Variants in PPEF2 observed in about 807,000 individuals in gnomAD.
PPEF2 encodes serine/threonine-protein phosphatase with EF-hands 2.
PPEF2 carries 84 observed loss-of-function variants against 84.7 expected under a neutral mutation model. The ratio of observed to expected loss-of-function variants is 0.99; its 90% CI spans 0.83 to 1.19. PPEF2 has a LOEUF of 1.19. PPEF2 is among the 50% of genes most tolerant of loss of function. The probability of loss-of-function intolerance (pLI) is 0.00; values close to 1 mark genes in which losing one functional copy is unlikely to be tolerated. For synonymous variants in PPEF2, 346 were observed against 345.2 expected (o/e 1.00, Z -0.03); for missense variants, 924 against 937.5 (o/e 0.99, Z 0.19).
intron 10 of PPEF2, 54 bp from the exon 11 acceptor site, chr4:75,876,727 C>A (rs751043800): frequency 3.1e-5 from 47 of 1,495,356 alleles, no homozygotes; most frequent in Non-Finnish European, 4.1e-5. Context: ...TAGGCCCAGA[C>A]AGGTGTGGTG....
At chr4:75,881,655 T>C (rs1331910520) in intron 10 of PPEF2, 1 of 152,200 alleles carries the variant, frequency 6.6e-6, no homozygotes, top group Non-Finnish European at 1.5e-5. Context: ...AATTTCTAGT[T>C]ACCAAACCAC....
At chr4:75,875,059 G>A (rs1201960396) in intron 11 of PPEF2, among the ~76,000 whole-genome samples, 3 of 151,928 alleles carry the variant, frequency 2.0e-5, no homozygotes, top group Non-Finnish European at 4.4e-5. Flanking sequence ...CCACCACCAT[G>A]CCTGGCTAAT....
At chr4:75,878,842 G>A (rs556309611) in intron 10 of PPEF2, among the ~76,000 whole-genome samples, 2 of 152,050 alleles carry the variant, frequency 1.3e-5, no homozygotes, top group African/African-American at 2.4e-5. Context: ...GCAGTGGTGC[G>A]ATCTCAGCTC....
chr4:75,882,293 C>T (rs1724595621), intron 10 of PPEF2, among the ~76,000 whole-genome samples: 1 of 152,142 alleles, frequency 6.6e-6, no homozygotes, highest in South Asian at 2.1e-4. Context: ...TGCCAACTAG[C>T]ACGCTCTCTG....
At chr4:75,867,270 C>T (rs1398062886) in intron 14 of PPEF2, 43 bp downstream of exon 14, 5 of 1,491,426 alleles carry the variant, frequency 3.4e-6, no homozygotes, top group Non-Finnish European at 4.7e-6. Context: ...GATTTTCTGG[C>T]TAGCTTCCTT....
intron 13 of PPEF2, among the ~76,000 whole-genome samples, chr4:75,871,620 G>A (rs369874512): frequency 5.9e-5 from 9 of 152,114 alleles, no homozygotes; most frequent in East Asian, 1.9e-4. Context: ...ACAAGAGTAC[G>A]CCACCACATC....
At chr4:75,886,371 C>G (rs561259853) in intron 7 of PPEF2, among the ~76,000 whole-genome samples, 2 of 152,302 alleles carry the variant, frequency 1.3e-5, no homozygotes, top group South Asian at 4.1e-4. Context: ...TCCTGGGAAA[C>G]CGGGTGCGGC....
rs750190060 is a variant in PPEF2 at position 75,891,645 on chromosome 4, C to CA, written c.241+2dup. The CA allele has an allele frequency of 6.2e-7, 1 of 1,605,974 alleles. No individual in the cohort carries two copies. Among genetic ancestry groups the CA allele is most frequent in the South Asian group, 1.1e-5 (1 of 89,358 alleles). On this transcript the variant is annotated splice_region_variant and intron_variant, in intron 4 of 16. Transcript: ENST00000286719. ...GACATGACATGTGGCAGTTCATACT[C>CA]ACTGTCGTTGTGGCTGCTGGGGATG...
chr4:75,887,422 C>T (rs549437691), intron 6 of PPEF2, among the ~76,000 whole-genome samples: 1 of 152,164 alleles, frequency 6.6e-6, no homozygotes, highest in South Asian at 2.1e-4. Context: ...GAGATAAAGA[C>T]CATCCCGCCT....
At chr4:75,887,791 A>T (rs553703426) in intron 6 of PPEF2, among the ~76,000 whole-genome samples, 5 of 152,270 alleles carry the variant, frequency 3.3e-5, no homozygotes, top group African/African-American at 1.2e-4. Context: ...CTGGAAACAT[A>T]AGATGGGGAA....
At position 75,891,831 on chromosome 4, in the gene PPEF2, C is replaced by A. The variant is rs200283817; in HGVS notation, c.183+20G>T. 724 of 1,602,272 alleles carry A rather than the reference C, an allele frequency of 4.5e-4. 3 individuals are homozygous for A. The South Asian group carries it at 7.5e-3, about 17-fold the overall frequency. On this transcript the variant is annotated intron_variant, in intron 3 of 16. Transcript: ENST00000286719. ...CCCAAGGGAGAGCAGGAGGCGGCTC[C>A]GTCCCACATCTCATTGTACCTTGAC... is the stretch of plus-strand genomic sequence containing the variant.
intron 13 of PPEF2, among the ~76,000 whole-genome samples, chr4:75,871,547 T>G (rs1222596661): frequency 6.6e-6 from 1 of 152,162 alleles, no homozygotes; most frequent in Non-Finnish European, 1.5e-5. Flanking sequence ...CTTGGCTCAC[T>G]GCAAACTCTA....
At chr4:75,866,955 A>G (rs1724145922) in intron 14 of PPEF2, among the ~76,000 whole-genome samples, 1 of 152,196 alleles carries the variant, frequency 6.6e-6, no homozygotes, top group Non-Finnish European at 1.5e-5. Context: ...AAATCATGAA[A>G]TACCTAGGTA....
chr4:75,876,209 AT>A, intron 11 of PPEF2, 77 bp downstream of exon 11: 1 of 1,498,936 alleles, frequency 6.7e-7, no homozygotes, highest in Middle Eastern at 2.5e-4. Flanking sequence ...CTCAAAACAT[AT>A]CCTGAGTTTC....
At chr4:75,870,878 CATTT>C (rs33975459) in intron 13 of PPEF2, among the ~76,000 whole-genome samples, 56 of 146,668 alleles carry the variant, frequency 3.8e-4, no homozygotes, top group African/African-American at 1.1e-3. Context: ...CAAAAGCTAC[CATTT>C]ATTTATTTAT....
chr4:75,897,397 T>A (rs1471570321), intron 1 of PPEF2, among the ~76,000 whole-genome samples: 1 of 152,202 alleles, frequency 6.6e-6, no homozygotes, highest in African/African-American at 2.4e-5. Context: ...ACCTCTTAGA[T>A]CTCTGTCTCC....
At position 75,860,502 on chromosome 4, in the gene PPEF2, A is replaced by C. The variant is rs965785489; in HGVS notation, c.*165T>G. On this transcript the variant is annotated 3_prime_UTR_variant, in exon 17 of 17. Transcript: ENST00000286719. ...ATATACTTAAAACACATACATACAC[A>C]ACACCCCAACCCACCCCTCCACACT... 1 of 889,274 alleles carries C rather than the reference A, an allele frequency of 1.1e-6. No individual in the cohort carries two copies. Among genetic ancestry groups the C allele is most frequent in the Non-Finnish European group, 1.7e-6 (1 of 597,040 alleles). The allele number at this position is 889,274 out of a possible 1,614,324, so 55.1% of individuals were successfully genotyped here. A position where few individuals can be genotyped will look rare whatever the true frequency, so the allele number is the denominator to read the frequency against.
At chr4:75,876,770 C>G (rs1478742598) in intron 10 of PPEF2, 97 bp from the exon 11 acceptor site, 1 of 1,331,834 alleles carries the variant, frequency 7.5e-7, no homozygotes, top group Non-Finnish European at 1.0e-6. Flanking sequence ...CTTTGGGAGA[C>G]TGAGCCCAGC....
Position 75,888,205 on chromosome 4 carries a change from A to C in PPEF2, c.532+9T>G. The stretch of plus-strand genomic sequence containing the variant: ...GCAGCATGGAAAGCCGTTTCTGACC[A>C]GCTCTTACCACACACTGTGATCTCC... On this transcript the variant is annotated intron_variant, in intron 6 of 16. Transcript: ENST00000286719. The C allele has an allele frequency of 5.7e-6, 9 of 1,587,190 alleles. No homozygotes were observed. The highest frequency in any genetic ancestry group is 6.9e-6 in the Non-Finnish European group (8 of 1,155,670).
Sources: gnomAD v4.1 joint callset for allele counts (sites outside exome capture counted in the v4.1 genomes callset) on GRCh38, gnomAD v4.1.1 for gene constraint, MANE v1.5 for transcripts, NCBI Gene and HGNC (gene_info 2026-07-23, HGNC 2026-07-21) for gene names.